SNX9: variants seen among roughly 807,000 people sequenced by gnomAD.
The protein encoded by SNX9 is sorting nexin-9.
In SNX9, 44 loss-of-function variants were observed where a neutral mutation model predicts 89.4. The ratio of observed to expected loss-of-function variants is 0.49; its 90% CI spans 0.39 to 0.63. The LOEUF (loss-of-function observed/expected upper bound fraction) is 0.63, where lower values mean the gene tolerates loss of function less well. Ranked by LOEUF, SNX9 falls within the 30% of genes least tolerant of loss-of-function variation. The probability of loss-of-function intolerance (pLI) is 0.00; values close to 1 mark genes in which losing one functional copy is unlikely to be tolerated. For missense variants in SNX9, 578 were observed against 736.1 expected (o/e 0.79, Z 2.49); for synonymous variants, 236 against 247.8 (o/e 0.95, Z 0.45).
chr6:157,850,398 G>A lies in SNX9; in HGVS notation c.13-17149G>A, dbSNP rs559678735. Among the ~76,000 whole-genome samples the A allele has an allele frequency of 6.8e-4, 103 of 152,290 alleles. 1 individual carries two copies. The highest frequency in any genetic ancestry group is 2.2e-3 in the African/African-American group (92 of 41,558). On this transcript the variant is annotated intron_variant, in intron 1 of 17. Transcript: ENST00000392185. The stretch of plus-strand genomic sequence containing the variant: ...ATTATTCAAAGGAATATGTGGGGTT[G>A]AGGGATGGTTTCTTCTTCCTTTTTA...
intron 1 of SNX9, among the ~76,000 whole-genome samples, chr6:157,858,508 C>T (rs1782057869): frequency 6.6e-6 from 1 of 152,082 alleles, no homozygotes; most frequent in Admixed American, 6.5e-5. Flanking sequence ...AAGTGTGAGC[C>T]ACCATGCCCG....
chr6:157,844,381 C>T (rs2115116118), intron 1 of SNX9, among the ~76,000 whole-genome samples: 1 of 152,190 alleles, frequency 6.6e-6, no homozygotes, highest in Non-Finnish European at 1.5e-5. Flanking sequence ...TCAAAGCTGT[C>T]TTGCACTGAG....
intron 1 of SNX9, among the ~76,000 whole-genome samples, chr6:157,843,841 T>C (rs1781748252): frequency 6.6e-6 from 1 of 151,908 alleles, no homozygotes; most frequent in Admixed American, 6.6e-5. Flanking sequence ...AGTACAGAAT[T>C]CTAGATTTTA....
At chr6:157,932,844 G>A (rs1722386119) in intron 13 of SNX9, among the ~76,000 whole-genome samples, 1 of 136,912 alleles carries the variant, frequency 7.3e-6, no homozygotes, top group Admixed American at 7.8e-5. Flanking sequence ...TCCAGCCTGG[G>A]TGACAGAGCA....
Position 157,943,944 on chromosome 6 carries a change from A to C in SNX9, c.*1106A>C, listed in dbSNP as rs1784092702. On this transcript the variant is annotated 3_prime_UTR_variant, in exon 18 of 18. Coordinates refer to ENST00000392185, the MANE Select transcript of SNX9 (RefSeq NM_016224.5). ...GACTGAGAAGGGCTGCAGCCTCAGC[A>C]GTGTACAGAGTCCCCGGCGCTCTGA... The C allele has an allele frequency of 6.6e-6, 1 of 152,066 alleles. No individual in the cohort carries two copies. The highest frequency in any genetic ancestry group is 1.5e-5 in the Non-Finnish European group (1 of 68,068). 9.4% of individuals were successfully genotyped at this position (152,066 alleles called of 1,614,324 possible).
intron 4 of SNX9, among the ~76,000 whole-genome samples, chr6:157,895,156 G>T (rs546172504): frequency 6.1e-4 from 93 of 152,336 alleles, no homozygotes; most frequent in Middle Eastern, 3.4e-3. Flanking sequence ...TTAAAATGAG[G>T]TGGAATTGGG....
At chr6:157,926,674 T>TG (rs984661029) in intron 10 of SNX9, among the ~76,000 whole-genome samples, 1 of 148,898 alleles carries the variant, frequency 6.7e-6, no homozygotes, top group Non-Finnish European at 1.5e-5. Context: ...CCCAGCTACT[T>TG]GGGGGCTGAG....
At chr6:157,863,648 G>A (rs1782192640) in intron 1 of SNX9, among the ~76,000 whole-genome samples, 1 of 152,192 alleles carries the variant, frequency 6.6e-6, no homozygotes, top group African/African-American at 2.4e-5. Flanking sequence ...AGACCACATG[G>A]AAAATAGATG....
Position 157,873,143 on chromosome 6 carries a change from A to G in SNX9, c.141A>G (p.Gly47=), listed in dbSNP as rs761250938. The change falls in exon 3 of 18, where the codon GGA becomes GGG. Residue 47 remains glycine (G), a synonymous_variant. Coordinates refer to ENST00000392185, the MANE Select transcript of SNX9 (RefSeq NM_016224.5). Reference sequence around the variant, plus strand: ...GGCTGGAAGGAAGAAACATCAAAGGAGAACGAGGGCTGGTTCCCACAGACT... The same window carrying G: ...GGCTGGAAGGAAGAAACATCAAAGGGGAACGAGGGCTGGTTCCCACAGACT... The part of the protein sequence containing the change: ...GGWLEGRNIK[G]ERGLVPTDYV... The G allele has an allele frequency of 6.2e-7, 1 of 1,602,272 alleles. No individual in the cohort carries two copies. The highest frequency in any genetic ancestry group is 8.5e-7 in the Non-Finnish European group (1 of 1,174,118).
chr6:157,851,023 A>G (rs1562594041), intron 1 of SNX9, among the ~76,000 whole-genome samples: 1 of 152,244 alleles, frequency 6.6e-6, no homozygotes, highest in Non-Finnish European at 1.5e-5. Flanking sequence ...TGGGAGACTG[A>G]AGTGAGTGAA....
chr6:157,850,622 G>T (rs1453951252), intron 1 of SNX9, among the ~76,000 whole-genome samples: 3 of 152,142 alleles, frequency 2.0e-5, no homozygotes, highest in Non-Finnish European at 2.9e-5. Flanking sequence ...TTGGGGTAAA[G>T]GTCATGGGCC....
intron 11 of SNX9, among the ~76,000 whole-genome samples, chr6:157,927,662 G>GTAGT (rs1339404713): frequency 6.8e-6 from 1 of 147,286 alleles, no homozygotes; most frequent in Non-Finnish European, 1.5e-5. Context: ...AAACTTTGGA[G>GTAGT]TAGTTCCTTT....
intron 10 of SNX9, among the ~76,000 whole-genome samples, chr6:157,924,948 C>T (rs1783659546): frequency 2.0e-5 from 3 of 152,076 alleles, no homozygotes; most frequent in Admixed American, 2.0e-4. Context: ...CATAGTAATG[C>T]TTACAGAAGA....
chr6:157,912,085 G>A (rs3805782), intron 9 of SNX9, among the ~76,000 whole-genome samples: 39,084 of 151,930 alleles, frequency 0.26, 5,417 homozygotes, highest in African/African-American at 0.35. Flanking sequence ...ACCTCAACCC[G>A]GTTCAGACAC....
At chr6:157,876,571 C>T (rs1273223497) in intron 4 of SNX9, among the ~76,000 whole-genome samples, 3 of 152,136 alleles carry the variant, frequency 2.0e-5, no homozygotes, top group African/African-American at 4.8e-5. Context: ...ACAAATTAGA[C>T]TCAGATATTT....
intron 6 of SNX9, among the ~76,000 whole-genome samples, chr6:157,903,896 C>G (rs78732418): frequency 0.015 from 2,289 of 152,284 alleles, 64 homozygotes; most frequent in African/African-American, 0.052. Context: ...CTAACTTGAA[C>G]CTGTGCCTCT....
intron 1 of SNX9, among the ~76,000 whole-genome samples, chr6:157,859,242 C>G (rs1472537649): frequency 6.6e-6 from 1 of 152,080 alleles, no homozygotes; most frequent in East Asian, 1.9e-4. Context: ...GTTTCTTCTC[C>G]CATGTTTCTA....
chr6:157,929,887 A>G (rs929586674), intron 12 of SNX9, among the ~76,000 whole-genome samples: 5 of 152,248 alleles, frequency 3.3e-5, no homozygotes, highest in Admixed American at 6.5e-5. Context: ...CCAAAGCCTT[A>G]CATCAGGAGT....
chr6:157,870,748 C>T (rs959726607), intron 2 of SNX9, among the ~76,000 whole-genome samples: 2 of 150,138 alleles, frequency 1.3e-5, no homozygotes, highest in Non-Finnish European at 3.0e-5. Flanking sequence ...GCATGCACAC[C>T]CCTCAGACAC....
Sources: gnomAD v4.1 joint callset for allele counts (sites outside exome capture counted in the v4.1 genomes callset) on GRCh38, gnomAD v4.1.1 for gene constraint, MANE v1.5 for transcripts, NCBI Gene and HGNC (gene_info 2026-07-23, HGNC 2026-07-21) for gene names.